The following CELA2A variants were observed in gnomAD, a reference collection of about 807,000 sequenced individuals.
The protein encoded by CELA2A is chymotrypsin like elastase 2A.
In CELA2A, 31 loss-of-function variants were observed where a neutral mutation model predicts 35.3. The observed-to-expected ratio is 0.88, with a 90% confidence interval of 0.66 to 1.19. The LOEUF (loss-of-function observed/expected upper bound fraction) is 1.19. CELA2A is among the 50% of genes most tolerant of loss of function. The probability of loss-of-function intolerance (pLI) is 0.00; values close to 1 mark genes in which losing one functional copy is unlikely to be tolerated. For synonymous variants in CELA2A, 150 were observed against 149.8 expected, an observed-to-expected ratio of 1.00 and a Z score of -0.01; for missense variants, 330 against 352.9, an observed-to-expected ratio of 0.94 and a Z score of 0.52.
rs529708804 is a variant in CELA2A at position 15,468,594 on chromosome 1, C to G, written c.792+1056C>G. ...GGCCAAGGAGGGAGGATTGCTTGAG[C>G]CCAGGAGTTCAAGAGCATCCTGGGC... On this transcript the variant is annotated intron_variant, in intron 7 of 7. Coordinates refer to ENST00000359621, the MANE Select transcript of CELA2A (RefSeq NM_033440.3). 3.7e-4 allele frequency among the ~76,000 whole-genome samples: 57 copies of G among 152,076 alleles called. 1 individual carries two copies. The highest frequency in any genetic ancestry group is 1.3e-3 in the African/African-American group (56 of 41,504).
Position 15,463,470 on chromosome 1 carries a change from C to A in CELA2A, c.441C>A (p.Thr147=). 6.2e-7 allele frequency: 1 copy of A among 1,614,054 alleles called. No homozygotes were observed. Among genetic ancestry groups the A allele is most frequent in the Non-Finnish European group, 8.5e-7 (1 of 1,179,960 alleles). Residue 147 remains threonine (T), a synonymous_variant, in exon 5 of 8, where the codon ACC becomes ACA. Coordinates refer to ENST00000359621, the MANE Select transcript of CELA2A (RefSeq NM_033440.3). ...IQLACLPPAG[T]ILPNNYPCYV... is the part of the protein sequence containing the mutation. ...TGGCCTGCCTCCCTCCTGCCGGCAC[C>A]ATTCTACCCAACAACTACCCCTGCT...
chr1:15,457,257 T>C (rs1708375063), intron 2 of CELA2A, 83 bp downstream of exon 2: 5 of 1,347,538 alleles, frequency 3.7e-6, no homozygotes, highest in South Asian at 1.2e-5. Context: ...ATGGCGTCTA[T>C]TGTGCTGGCA....
chr1:15,461,995 C>A, intron 3 of CELA2A: 1 of 537,238 alleles, frequency 1.9e-6, no homozygotes, highest in Admixed American at 2.3e-5. Flanking sequence ...AGCTTCAATA[C>A]CATCACCTGC....
At chr1:15,461,014 C>T (rs1290666033) in intron 2 of CELA2A, among the ~76,000 whole-genome samples, 1 of 152,068 alleles carries the variant, frequency 6.6e-6, no homozygotes, top group Non-Finnish European at 1.5e-5. Context: ...GGAAAGGAAA[C>T]ACATCCTTGT....
intron 5 of CELA2A, among the ~76,000 whole-genome samples, chr1:15,464,707 A>G (rs1708491606): frequency 6.6e-6 from 1 of 152,138 alleles, no homozygotes; most frequent in Non-Finnish European, 1.5e-5. Context: ...GCTTATTAAG[A>G]TACAAGCACA....
intron 5 of CELA2A, among the ~76,000 whole-genome samples, chr1:15,464,491 A>G (rs1708486841): frequency 6.6e-6 from 1 of 152,168 alleles, no homozygotes; most frequent in African/African-American, 2.4e-5. Context: ...TAATGACCTT[A>G]TGACCATAAT....
intron 7 of CELA2A, among the ~76,000 whole-genome samples, chr1:15,468,856 T>C (rs1226433596): frequency 6.6e-6 from 1 of 151,658 alleles, no homozygotes; most frequent in African/African-American, 2.4e-5. Context: ...CACGCAGCAG[T>C]AGGTGAAAGC....
chr1:15,471,902 A>T, intron 7 of CELA2A, 88 bp from the exon 8 acceptor site: 1 of 1,532,072 alleles, frequency 6.5e-7, no homozygotes, highest in East Asian at 2.3e-5. Flanking sequence ...TCACATGAGT[A>T]GCTTAGCCCA....
rs34001591 is a variant in CELA2A, at chr1:15,465,003, CTTTT to C, written c.494-973_494-970del. ...GTCTTAAGCCAGACACTTAACTTCC[CTTTT>C]TTTTTTTTTTTTTTTTTTTTTTGAG... is the stretch of plus-strand genomic sequence containing the variant. On this transcript the variant is annotated intron_variant, in intron 5 of 7. Coordinates refer to ENST00000359621, the MANE Select transcript of CELA2A (RefSeq NM_033440.3). Among the ~76,000 whole-genome samples, 766 of 77,482 alleles carry C rather than the reference CTTTT, an allele frequency of 9.9e-3. 5 individuals carry two copies. Among genetic ancestry groups the C allele is most frequent in the Non-Finnish European group, 0.016 (636 of 40,766 alleles). The allele number at this position is 77,482 out of a possible 152,430, so 50.8% of individuals were successfully genotyped here.
chr1:15,458,765 T>C (rs751259981), intron 2 of CELA2A, among the ~76,000 whole-genome samples: 1 of 151,614 alleles, frequency 6.6e-6, no homozygotes, highest in African/African-American at 2.4e-5. Context: ...ATACAAAAAT[T>C]AGCCAGGCAT....
At position 15,463,600 on chromosome 1, in the gene CELA2A, T is replaced by C. The variant is rs530453635; in HGVS notation, c.493+78T>C. 2.6e-5 allele frequency: 41 copies of C among 1,597,130 alleles called. 1 individual carries two copies. In the South Asian group the frequency reaches 4.4e-4, roughly 17 times the overall value. On this transcript the variant is annotated intron_variant, in intron 5 of 7. Transcript: ENST00000359621. ...GTCACCCCTGTCTGGCCGGGGCCTC[T>C]CACCTGTCATCCCAGGGTGTGTGGC...
chr1:15,464,947 T>C (rs950003647), intron 5 of CELA2A, among the ~76,000 whole-genome samples: 2 of 151,932 alleles, frequency 1.3e-5, no homozygotes, highest in African/African-American at 4.8e-5. Context: ...TGCAAAATGT[T>C]ATGCAAGTGT....
In CELA2A at chr1:15,471,523, G is replaced by T. The variant is rs540489580; in HGVS notation, c.793-467G>T. Reference sequence around the variant, plus strand: ...AGATCGCCCTACTGCACTCCAGCCTGGGCAACAGAGTGAGACTGTCTCAAA... The same window carrying T: ...AGATCGCCCTACTGCACTCCAGCCTTGGCAACAGAGTGAGACTGTCTCAAA... On this transcript the variant is annotated intron_variant, in intron 7 of 7. Coordinates refer to ENST00000359621, the MANE Select transcript of CELA2A (RefSeq NM_033440.3). 1.6e-3 allele frequency among the ~76,000 whole-genome samples: 240 copies of T among 151,988 alleles called. 2 individuals are homozygous for T. The highest frequency in any genetic ancestry group is 5.6e-3 in the African/African-American group (234 of 41,416).
rs1251009829 is a variant in CELA2A, at chr1:15,456,794, G to A, written c.40+1G>A. The A allele has an allele frequency of 2.1e-5, 34 of 1,614,082 alleles. No individual in the cohort carries two copies. Among genetic ancestry groups the A allele is most frequent in the Non-Finnish European group, 2.5e-5 (29 of 1,180,040 alleles). On this transcript the variant is annotated splice_donor_variant, in intron 1 of 7. Coordinates refer to ENST00000359621, the MANE Select transcript of CELA2A (RefSeq NM_033440.3). LOFTEE classifies it high-confidence loss of function. ...CTGCTGTCCACTTTGGTGGCTGGAG[G>A]TAAGTCCTGTTACCCAGAGGCACTG...
intron 2 of CELA2A, among the ~76,000 whole-genome samples, chr1:15,457,988 G>A (rs1295964166): frequency 6.6e-6 from 1 of 152,116 alleles, no homozygotes; most frequent in Non-Finnish European, 1.5e-5. Context: ...GTTAATGGTG[G>A]GGATTTTAAG....
chr1:15,458,996 T>G (rs1225213522), intron 2 of CELA2A, among the ~76,000 whole-genome samples: 1 of 147,530 alleles, frequency 6.8e-6, no homozygotes, highest in Non-Finnish European at 1.5e-5. Context: ...ATTTCACATT[T>G]TTTTCTTTTT....
At chr1:15,461,317 C>T (rs1446846388) in intron 2 of CELA2A, among the ~76,000 whole-genome samples, 3 of 152,198 alleles carry the variant, frequency 2.0e-5, no homozygotes, top group Admixed American at 2.0e-4. Flanking sequence ...CTTCCTTGGC[C>T]TCCCGAAGTG....
At chr1:15,468,875 C>G (rs1228205715) in intron 7 of CELA2A, among the ~76,000 whole-genome samples, 1 of 151,976 alleles carries the variant, frequency 6.6e-6, no homozygotes, top group Non-Finnish European at 1.5e-5. Flanking sequence ...GCAGCCAGAA[C>G]AGGAAACCCC....
intron 6 of CELA2A, among the ~76,000 whole-genome samples, chr1:15,466,567 C>A (rs1468909218): frequency 1.1e-4 from 17 of 151,040 alleles, no homozygotes; most frequent in South Asian, 2.1e-4. Flanking sequence ...AAAAAAAAAA[C>A]AAAAAAACTT....
Sources: allele counts gnomAD v4.1 joint callset (sites outside exome capture counted in the v4.1 genomes callset), GRCh38; gene constraint gnomAD v4.1.1; transcripts MANE v1.5; gene names NCBI Gene and HGNC (gene_info 2026-07-23, HGNC 2026-07-21).